The following ZBTB20 variants were observed in gnomAD, a reference collection of about 807,000 sequenced individuals.
ZBTB20 encodes zinc finger and BTB domain containing 20.
ZBTB20 carries 9 observed loss-of-function variants against 56.9 expected under a neutral mutation model. The observed-to-expected ratio is 0.16, with a 90% CI of 0.10 to 0.28. ZBTB20 has a LOEUF of 0.28. Ranked by LOEUF, ZBTB20 falls within the 10% of genes least tolerant of loss-of-function variation. ZBTB20 has a pLI of 1.00. For missense variants in ZBTB20, 655 were observed against 1,003.0 expected, an observed-to-expected ratio of 0.65 and a Z score of 4.69; for synonymous variants, 417 against 420.7, an observed-to-expected ratio of 0.99 and a Z score of 0.11.
intron 3 of ZBTB20, among the ~76,000 whole-genome samples, chr3:114,956,079 G>A (rs764576758): frequency 1.3e-5 from 2 of 151,880 alleles, no homozygotes; most frequent in Non-Finnish European, 2.9e-5. Context: ...GGTCTCTAAC[G>A]ACAAGATAAA....
chr3:115,039,004 C>T (rs2081040511), intron 2 of ZBTB20, among the ~76,000 whole-genome samples: 1 of 151,948 alleles, frequency 6.6e-6, no homozygotes, highest in Non-Finnish European at 1.5e-5. Flanking sequence ...ATCTCAATGA[C>T]CTGTTACTGT....
At chr3:114,774,181 C>G (rs2069421144) in intron 5 of ZBTB20, among the ~76,000 whole-genome samples, 1 of 152,048 alleles carries the variant, frequency 6.6e-6, no homozygotes, top group Non-Finnish European at 1.5e-5. Flanking sequence ...TCTCAGCACG[C>G]TGCACATATT....
At chr3:114,894,149 T>C (rs1222444906) in intron 4 of ZBTB20, among the ~76,000 whole-genome samples, 2 of 152,138 alleles carry the variant, frequency 1.3e-5, no homozygotes, top group Non-Finnish European at 2.9e-5. Flanking sequence ...TAGGTTCAAA[T>C]ACCAGCATTG....
chr3:114,618,440 T>C (rs373213492), intron 6 of ZBTB20, among the ~76,000 whole-genome samples: 95 of 152,100 alleles, frequency 6.2e-4, no homozygotes, highest in Non-Finnish European at 1.0e-3. Flanking sequence ...AAAATTTTAG[T>C]AGAGATGAGA....
intron 7 of ZBTB20, among the ~76,000 whole-genome samples, chr3:114,451,848 C>T (rs1018780910): frequency 6.6e-6 from 1 of 151,954 alleles, no homozygotes; most frequent in African/African-American, 2.4e-5. Context: ...CCCTTTTCTC[C>T]TCGACTGTGA....
chr3:114,783,588 G>C (rs952075322), intron 5 of ZBTB20, among the ~76,000 whole-genome samples: 1 of 152,146 alleles, frequency 6.6e-6, no homozygotes, highest in African/African-American at 2.4e-5. Flanking sequence ...GAGGTCACGA[G>C]ATCGAGACCA....
chr3:115,128,152 G>A (rs2084387405), intron 1 of ZBTB20, among the ~76,000 whole-genome samples: 1 of 152,148 alleles, frequency 6.6e-6, no homozygotes, highest in Non-Finnish European at 1.5e-5. Flanking sequence ...AGTAACATTA[G>A]TATTATTGAG....
At chr3:115,134,232 T>G (rs1345700290) in intron 1 of ZBTB20, among the ~76,000 whole-genome samples, 2 of 152,236 alleles carry the variant, frequency 1.3e-5, no homozygotes, top group Non-Finnish European at 2.9e-5. Flanking sequence ...TCTAGGTGAT[T>G]TCCTCTTCAT....
intron 4 of ZBTB20, among the ~76,000 whole-genome samples, chr3:114,811,787 C>T (rs529957836): frequency 8.0e-6 from 1 of 124,942 alleles, no homozygotes; most frequent in South Asian, 2.7e-4. Context: ...TGAAACATCA[C>T]ATACATTGCT....
intron 6 of ZBTB20, among the ~76,000 whole-genome samples, chr3:114,565,731 C>G (rs1257619020): frequency 6.6e-6 from 1 of 152,104 alleles, no homozygotes; most frequent in Admixed American, 6.6e-5. Context: ...CCTAATGTCA[C>G]TACTGCATTG....
At position 114,820,902 on chromosome 3, in the gene ZBTB20, T is replaced by C. The variant is rs190322800; in HGVS notation, c.-416-19728A>G. ...ACTTATTGATAAAATTTACCTACAT[T>C]GCTAATATTAATAATTGTTTTGGTA... On this transcript the variant is annotated intron_variant, in intron 4 of 11. Transcript: ENST00000675478. Among the ~76,000 whole-genome samples the C allele has an allele frequency of 6.6e-5, 10 of 152,262 alleles. 1 individual carries two copies. The highest frequency in any genetic ancestry group is 2.4e-4 in the African/African-American group (10 of 41,566).
At chr3:114,711,703 G>C (rs1054039617) in intron 5 of ZBTB20, among the ~76,000 whole-genome samples, 4 of 152,122 alleles carry the variant, frequency 2.6e-5, no homozygotes, top group African/African-American at 7.2e-5. Context: ...ATCTGGAGAG[G>C]AGTGAGCTAT....
At chr3:114,680,681 T>C (rs539637596) in intron 6 of ZBTB20, among the ~76,000 whole-genome samples, 1 of 152,324 alleles carries the variant, frequency 6.6e-6, no homozygotes, top group Non-Finnish European at 1.5e-5. Flanking sequence ...ATGTTTTCTG[T>C]TAATTTGAAT....
At chr3:114,767,347 T>C (rs1324954340) in intron 5 of ZBTB20, among the ~76,000 whole-genome samples, 2 of 152,066 alleles carry the variant, frequency 1.3e-5, no homozygotes, top group Non-Finnish European at 2.9e-5. Flanking sequence ...GAGTAGGATA[T>C]TCTCAAAACT....
chr3:114,678,702 C>T (rs2061785233), intron 6 of ZBTB20, among the ~76,000 whole-genome samples: 1 of 152,106 alleles, frequency 6.6e-6, no homozygotes, highest in Admixed American at 6.6e-5. Flanking sequence ...GAATTACTTA[C>T]AATGTAATGC....
At chr3:114,432,629 A>G (rs184670881) in intron 7 of ZBTB20, among the ~76,000 whole-genome samples, 1 of 152,320 alleles carries the variant, frequency 6.6e-6, no homozygotes, top group East Asian at 1.9e-4. Flanking sequence ...ATGACTCAAC[A>G]GAATGTCTAG....
At chr3:115,009,165 A>T (rs983157141) in intron 2 of ZBTB20, among the ~76,000 whole-genome samples, 4 of 151,720 alleles carry the variant, frequency 2.6e-5, no homozygotes, top group Non-Finnish European at 5.9e-5. Context: ...TATTCTTCAA[A>T]TTTTTTTAAT....
intron 1 of ZBTB20, among the ~76,000 whole-genome samples, chr3:115,089,317 G>T (rs1010787519): frequency 3.4e-4 from 52 of 151,590 alleles, no homozygotes; most frequent in Admixed American, 5.9e-4. Context: ...TTTAAATAGG[G>T]TTAAGAAATA....
intron 2 of ZBTB20, among the ~76,000 whole-genome samples, chr3:115,025,983 C>T (rs543268953): frequency 1.0e-3 from 155 of 150,898 alleles, no homozygotes; most frequent in Middle Eastern, 3.4e-3. Flanking sequence ...ACTGCCTTAG[C>T]ATAATTTAGG....
Sources: gnomAD v4.1 joint callset for allele counts (sites outside exome capture counted in the v4.1 genomes callset) on GRCh38, gnomAD v4.1.1 for gene constraint, MANE v1.5 for transcripts, NCBI Gene and HGNC (gene_info 2026-07-23, HGNC 2026-07-21) for gene names.